The following FGGY variants were observed in gnomAD, a reference collection of about 807,000 sequenced individuals.
FGGY encodes the protein FGGY carbohydrate kinase domain containing.
In FGGY, 72 loss-of-function variants were observed where a neutral mutation model predicts 71.3. The observed-to-expected ratio is 1.01, with a 90% CI of 0.84 to 1.23. The LOEUF (loss-of-function observed/expected upper bound fraction) is 1.23, where lower values mean the gene tolerates loss of function less well. Among genes scored for constraint, FGGY ranks in the 50% most tolerant of loss-of-function variants. The probability of loss-of-function intolerance (pLI) is 0.00; values close to 1 mark genes in which losing one functional copy is unlikely to be tolerated. For missense variants in FGGY, 668 were observed against 682.3 expected, an observed-to-expected ratio of 0.98 and a Z score of 0.23; for synonymous variants, 251 against 250.3, an observed-to-expected ratio of 1.00 and a Z score of -0.02.
chr1:59,621,459 C>CAAAAA (rs56172542), intron 9 of FGGY, among the ~76,000 whole-genome samples: 11 of 98,760 alleles, frequency 1.1e-4, no homozygotes, highest in Admixed American at 4.8e-4. Flanking sequence ...GCCTCCGTCT[C>CAAAAA]AAAAAAAAAA....
chr1:59,503,547 G>C (rs548217929), intron 6 of FGGY, among the ~76,000 whole-genome samples: 4 of 146,266 alleles, frequency 2.7e-5, no homozygotes, highest in African/African-American at 1.0e-4. Flanking sequence ...GGGCCTGCTG[G>C]TGGTCACCTA....
intron 4 of FGGY, among the ~76,000 whole-genome samples, chr1:59,369,792 C>CCAGG (rs940225700): frequency 1.2e-4 from 18 of 152,278 alleles, no homozygotes; most frequent in African/African-American, 4.3e-4. Context: ...CTGCTGATAC[C>CCAGG]CAGGCAAACA....
At chr1:59,715,004 G>A (rs1423986368) in intron 14 of FGGY, among the ~76,000 whole-genome samples, 1 of 152,146 alleles carries the variant, frequency 6.6e-6, no homozygotes, top group Non-Finnish European at 1.5e-5. Flanking sequence ...GGGCATTTTG[G>A]TGACATTTCT....
intron 7 of FGGY, among the ~76,000 whole-genome samples, chr1:59,547,905 A>G (rs1278368593): frequency 6.6e-6 from 1 of 152,168 alleles, no homozygotes; most frequent in East Asian, 1.9e-4. Context: ...TCATTTATTC[A>G]TTCATTCATT....
At position 59,346,230 on chromosome 1, in the gene FGGY, C is replaced by T. The variant is rs927027345; in HGVS notation, c.314-17C>T. On this transcript the variant is annotated splice_polypyrimidine_tract_variant and intron_variant, in intron 3 of 15. Transcript: ENST00000303721. ...GAGAATGTGTGTCCATCTGCATCTCCCTCTCGTTTCTGCTAGGGGATTCCC... is the reference window on the plus strand; with the variant it reads ...GAGAATGTGTGTCCATCTGCATCTCTCTCTCGTTTCTGCTAGGGGATTCCC... The T allele has an allele frequency of 1.2e-6, 2 of 1,612,326 alleles. No individual in the cohort carries two copies. The highest frequency in any genetic ancestry group is 2.2e-5 in the South Asian group (2 of 90,972).
At chr1:59,452,280 C>T (rs1459643457) in intron 5 of FGGY, among the ~76,000 whole-genome samples, 2 of 152,114 alleles carry the variant, frequency 1.3e-5, no homozygotes, top group East Asian at 1.9e-4. Flanking sequence ...AAGACAGTTA[C>T]TATGGTAAAT....
intron 10 of FGGY, among the ~76,000 whole-genome samples, chr1:59,633,222 G>A (rs2096925039): frequency 1.3e-5 from 2 of 152,098 alleles, no homozygotes; most frequent in African/African-American, 4.8e-5. Context: ...GTGTTAGCCA[G>A]GATGGTCTCG....
chr1:59,425,884 A>G (rs187623281), intron 5 of FGGY, among the ~76,000 whole-genome samples: 2 of 152,308 alleles, frequency 1.3e-5, no homozygotes, highest in African/African-American at 4.8e-5. Context: ...AAATAATGGA[A>G]TTGATTTTTC....
At chr1:59,353,809 A>C (rs770875194) in intron 4 of FGGY, among the ~76,000 whole-genome samples, 5 of 152,186 alleles carry the variant, frequency 3.3e-5, no homozygotes, top group Non-Finnish European at 5.9e-5. Context: ...GAGCCACACC[A>C]TTAGCTCTGT....
At chr1:59,604,038 A>G (rs2096601047) in intron 8 of FGGY, among the ~76,000 whole-genome samples, 1 of 152,214 alleles carries the variant, frequency 6.6e-6, no homozygotes, top group South Asian at 2.1e-4. Context: ...TAATACCTGT[A>G]ATATGCTTAG....
chr1:59,626,667 C>G (rs972515889), intron 10 of FGGY: 2 of 152,150 alleles, frequency 1.3e-5, no homozygotes, highest in African/African-American at 2.4e-5. Context: ...CCAGCCTGGC[C>G]AACATGGTGA....
intron 9 of FGGY, among the ~76,000 whole-genome samples, chr1:59,608,758 A>G (rs2096647322): frequency 6.6e-6 from 1 of 152,164 alleles, no homozygotes; most frequent in Non-Finnish European, 1.5e-5. Flanking sequence ...AATCACTTGA[A>G]TCTGGGAGGC....
chr1:59,660,125 A>G lies in FGGY; in HGVS notation c.1222-94A>G. 2 of 1,145,222 alleles carry G rather than the reference A, an allele frequency of 1.7e-6. 1 individual carries two copies. The highest frequency in any genetic ancestry group is 2.6e-5 in the South Asian group (2 of 76,242). The allele number at this position is 1,145,222 out of a possible 1,614,324, so 70.9% of individuals were successfully genotyped here. On this transcript the variant is annotated intron_variant, in intron 11 of 15. Transcript: ENST00000303721. ...ATTTGCATATGAACTTGTTTCGGCA[A>G]GAAAACACATCTGAACGTATTTCAT...
chr1:59,559,099 C>T (rs981332205), intron 8 of FGGY, among the ~76,000 whole-genome samples: 5 of 152,128 alleles, frequency 3.3e-5, no homozygotes, highest in African/African-American at 1.2e-4. Context: ...TCAATTTGTA[C>T]AGTTAACACA....
At chr1:59,520,121 A>C (rs2153645193) in intron 7 of FGGY, among the ~76,000 whole-genome samples, 1 of 152,206 alleles carries the variant, frequency 6.6e-6, no homozygotes, top group South Asian at 2.1e-4. Context: ...AAGGTGAGAA[A>C]CCCTATTCTC....
chr1:59,519,497 A>G (rs1401490673), intron 7 of FGGY, among the ~76,000 whole-genome samples: 2 of 152,212 alleles, frequency 1.3e-5, no homozygotes, highest in Non-Finnish European at 2.9e-5. Context: ...TCCTAGAGGG[A>G]GTGATGTCCA....
chr1:59,622,750 T>C (rs2096822555), intron 9 of FGGY, among the ~76,000 whole-genome samples: 1 of 152,170 alleles, frequency 6.6e-6, no homozygotes, highest in Non-Finnish European at 1.5e-5. Flanking sequence ...TGTGTATTTC[T>C]ATCTGAGTAT....
chr1:59,705,744 A>G (rs1015860488), intron 14 of FGGY, among the ~76,000 whole-genome samples: 6 of 152,182 alleles, frequency 3.9e-5, no homozygotes, highest in African/African-American at 1.4e-4. Flanking sequence ...CACAACTTCA[A>G]ATGACTATTG....
chr1:59,378,964 T>A lies in FGGY; in HGVS notation c.554+127T>A. Reference sequence around the variant, plus strand: ...ACATCTGCATGTGATTTTGCATACATGAAACATCTTGAATCTATCTTCGAC... The same window carrying A: ...ACATCTGCATGTGATTTTGCATACAAGAAACATCTTGAATCTATCTTCGAC... On this transcript the variant is annotated intron_variant, in intron 5 of 15. Coordinates refer to ENST00000303721, the MANE Select transcript of FGGY (RefSeq NM_018291.5). 1.4e-5 allele frequency: 10 copies of A among 692,908 alleles called. No individual in the cohort carries two copies. The South Asian group carries it at 1.8e-4, about 13-fold the overall frequency. 42.9% of individuals were successfully genotyped at this position (692,908 alleles called of 1,614,324 possible).
Sources: allele counts gnomAD v4.1 joint callset (sites outside exome capture counted in the v4.1 genomes callset), GRCh38; gene constraint gnomAD v4.1.1; transcripts MANE v1.5; gene names NCBI Gene and HGNC (gene_info 2026-07-23, HGNC 2026-07-21).